ALG14: variants seen among roughly 807,000 people sequenced by gnomAD.
The protein encoded by ALG14 is UDP-N-acetylglucosamine transferase subunit ALG14.
ALG14 carries 17 observed loss-of-function variants against 22.8 expected under a neutral mutation model. The observed-to-expected ratio is 0.75, with a 90% confidence interval of 0.51 to 1.12. ALG14 has a LOEUF of 1.12. Among genes scored for constraint, ALG14 ranks in the 50% most tolerant of loss-of-function variants. The probability of loss-of-function intolerance (pLI) is 0.00; values close to 1 mark genes in which losing one functional copy is unlikely to be tolerated. For synonymous variants in ALG14, 89 were observed against 103.7 expected, an observed-to-expected ratio of 0.86 and a Z score of 0.86; for missense variants, 288 against 271.8, an observed-to-expected ratio of 1.06 and a Z score of -0.42.
At chr1:94,989,518 G>C (rs1010406448) in intron 3 of ALG14, among the ~76,000 whole-genome samples, 29 of 152,190 alleles carry the variant, frequency 1.9e-4, no homozygotes, top group African/African-American at 6.3e-4. Flanking sequence ...TTTCTGCCTA[G>C]ATCTGACCAG....
intron 2 of ALG14, among the ~76,000 whole-genome samples, chr1:95,036,670 G>A (rs146165512): frequency 0.014 from 2,177 of 151,958 alleles, 22 homozygotes; most frequent in Middle Eastern, 0.041. Context: ...CAGGTGATCC[G>A]CCCACCTCGA....
chr1:95,022,128 A>C (rs1673682379), intron 3 of ALG14, among the ~76,000 whole-genome samples: 1 of 152,244 alleles, frequency 6.6e-6, no homozygotes, highest in Non-Finnish European at 1.5e-5. Flanking sequence ...ATCGACTTAG[A>C]AAGAAAAATC....
chr1:94,996,087 G>C (rs543713902), intron 3 of ALG14, among the ~76,000 whole-genome samples: 2 of 152,340 alleles, frequency 1.3e-5, no homozygotes, highest in Admixed American at 1.3e-4. Flanking sequence ...GTTCTATTCA[G>C]AGAGGATCCC....
chr1:95,003,373 A>G (rs1673117185), intron 3 of ALG14, among the ~76,000 whole-genome samples: 1 of 152,158 alleles, frequency 6.6e-6, no homozygotes, highest in African/African-American at 2.4e-5. Context: ...TTGCAGGCAC[A>G]TAATATTCCA....
intron 3 of ALG14, among the ~76,000 whole-genome samples, chr1:94,999,352 T>A (rs1488926790): frequency 1.1e-4 from 16 of 149,036 alleles, no homozygotes; most frequent in African/African-American, 1.5e-4. Flanking sequence ...CATTTTTTTT[T>A]TTTTTTTTTT....
At chr1:95,064,544 C>T (rs1338927512) in intron 2 of ALG14, among the ~76,000 whole-genome samples, 2 of 152,066 alleles carry the variant, frequency 1.3e-5, no homozygotes, top group Non-Finnish European at 2.9e-5. Flanking sequence ...ATAATTACGT[C>T]GTTTTTGTCT....
At chr1:95,066,541 T>C (rs558032075) in intron 1 of ALG14, among the ~76,000 whole-genome samples, 1 of 152,192 alleles carries the variant, frequency 6.6e-6, no homozygotes, top group African/African-American at 2.4e-5. Context: ...TTTTTAATAG[T>C]AGAAAGGAAA....
chr1:94,980,905 T>C lies in ALG14; in HGVS notation c.*2171A>G, dbSNP rs1231675114. On this transcript the variant is annotated 3_prime_UTR_variant, in exon 4 of 4. Coordinates refer to ENST00000370205, the MANE Select transcript of ALG14 (RefSeq NM_144988.4). ...GCAAAACATCTGGGACATATGTTTC[T>C]GGAAAAAATTATAGCATCTTTTCTA... 1.3e-5 allele frequency: 2 copies of C among 152,060 alleles called. No homozygotes were observed. The highest frequency in any genetic ancestry group is 6.6e-5 in the Admixed American group (1 of 15,254). 9.4% of individuals were successfully genotyped at this position (152,060 alleles called of 1,614,324 possible).
chr1:95,016,942 G>GGGGTGTGTGT (rs1028840783), intron 3 of ALG14, among the ~76,000 whole-genome samples: 7 of 129,296 alleles, frequency 5.4e-5, no homozygotes, highest in African/African-American at 1.8e-4. Context: ...TTGCAAAAGG[G>GGGGTGTGTGT]GTGTGTGTGT....
At chr1:95,007,892 A>T (rs1673261057) in intron 3 of ALG14, among the ~76,000 whole-genome samples, 1 of 152,244 alleles carries the variant, frequency 6.6e-6, no homozygotes, top group Non-Finnish European at 1.5e-5. Context: ...TTACAGCTGA[A>T]CAGACCAGTT....
intron 2 of ALG14, among the ~76,000 whole-genome samples, chr1:95,053,265 A>G (rs1674813808): frequency 6.6e-6 from 1 of 152,206 alleles, no homozygotes; most frequent in South Asian, 2.1e-4. Flanking sequence ...AATGTTAGAT[A>G]AAATAGATTT....
chr1:95,000,290 C>A (rs1420576459), intron 3 of ALG14, among the ~76,000 whole-genome samples: 41 of 151,930 alleles, frequency 2.7e-4, no homozygotes, highest in Non-Finnish European at 1.2e-4. Context: ...AATACCAGCA[C>A]TTTGGGAGGG....
At chr1:95,057,564 GA>G (rs1212067326) in intron 2 of ALG14, among the ~76,000 whole-genome samples, 1 of 150,458 alleles carries the variant, frequency 6.6e-6, no homozygotes, top group Non-Finnish European at 1.5e-5. Flanking sequence ...GCAAGGTCGT[GA>G]AAATACATGC....
At chr1:95,028,426 T>C (rs557347858) in intron 2 of ALG14, among the ~76,000 whole-genome samples, 1 of 152,206 alleles carries the variant, frequency 6.6e-6, no homozygotes, top group Non-Finnish European at 1.5e-5. Context: ...CCTGAACTTC[T>C]GGGCTCAAGT....
At chr1:94,994,330 T>C (rs879459226) in intron 3 of ALG14, among the ~76,000 whole-genome samples, 1 of 152,176 alleles carries the variant, frequency 6.6e-6, no homozygotes, top group Non-Finnish European at 1.5e-5. Flanking sequence ...TTTCCTTTTG[T>C]TTTCTCCACA....
chr1:95,032,428 C>A (rs1020918506), intron 2 of ALG14, among the ~76,000 whole-genome samples: 3 of 151,962 alleles, frequency 2.0e-5, no homozygotes, highest in African/African-American at 7.3e-5. Context: ...TTATAAACAG[C>A]CAAAGCTAGA....
intron 2 of ALG14, among the ~76,000 whole-genome samples, chr1:95,037,897 G>A (rs952752557): frequency 7.2e-5 from 11 of 152,190 alleles, no homozygotes; most frequent in African/African-American, 2.7e-4. Context: ...CCAGGTGACA[G>A]GAACTGGGCT....
chr1:95,072,708 C>T, intron 1 of ALG14, 55 bp downstream of exon 1: 1 of 1,602,280 alleles, frequency 6.2e-7, no homozygotes, highest in Non-Finnish European at 8.5e-7. Flanking sequence ...TCGCGGTGCA[C>T]TCTGGGGTTT....
chr1:94,998,972 AT>A (rs1430465250), intron 3 of ALG14, among the ~76,000 whole-genome samples: 1 of 152,176 alleles, frequency 6.6e-6, no homozygotes, highest in East Asian at 1.9e-4. Flanking sequence ...GCCTGCAGAA[AT>A]TACTCATACA....
Sources: allele counts gnomAD v4.1 joint callset (sites outside exome capture counted in the v4.1 genomes callset), GRCh38; gene constraint gnomAD v4.1.1; transcripts MANE v1.5; gene names NCBI Gene and HGNC (gene_info 2026-07-23, HGNC 2026-07-21).